The following ANKRD6 variants were observed in gnomAD, a reference collection of about 807,000 sequenced individuals.
The protein encoded by ANKRD6 is ankyrin repeat domain-containing protein 6.
Under a neutral mutation model 82.3 loss-of-function variants are expected in ANKRD6, and 56 were observed. The ratio of observed to expected loss-of-function variants is 0.68; its 90% CI spans 0.55 to 0.85. ANKRD6 has a LOEUF of 0.85. ANKRD6 is among the 40% of genes least tolerant of loss of function. The probability of loss-of-function intolerance (pLI) is 0.00; values close to 1 mark genes in which losing one functional copy is unlikely to be tolerated. For missense variants in ANKRD6, 852 were observed against 907.6 expected (o/e 0.94, Z 0.79); for synonymous variants, 347 against 352.1 (o/e 0.99, Z 0.16).
chr6:89,525,540 G>A (rs1782389170), intron 1 of ANKRD6, among the ~76,000 whole-genome samples: 1 of 152,194 alleles, frequency 6.6e-6, no homozygotes, highest in African/African-American at 2.4e-5. Context: ...CAATACATCA[G>A]TAGGCAAACC....
At chr6:89,437,184 A>G (rs187360157) in intron 1 of ANKRD6, among the ~76,000 whole-genome samples, 16 of 152,320 alleles carry the variant, frequency 1.1e-4, no homozygotes, top group Non-Finnish European at 2.4e-4. Flanking sequence ...GGAAATATTT[A>G]CAGATTCCTA....
chr6:89,554,263 T>C (rs934787255), intron 1 of ANKRD6, among the ~76,000 whole-genome samples: 3 of 152,308 alleles, frequency 2.0e-5, no homozygotes, highest in East Asian at 3.9e-4. Context: ...ACTGTTCCCT[T>C]GTATCCTCCA....
intron 13 of ANKRD6, among the ~76,000 whole-genome samples, chr6:89,624,918 G>A (rs1438306620): frequency 1.3e-5 from 2 of 152,130 alleles, no homozygotes; most frequent in African/African-American, 4.8e-5. Flanking sequence ...CCATTACAGA[G>A]CATTTTTAGA....
intron 1 of ANKRD6, among the ~76,000 whole-genome samples, chr6:89,445,873 C>T (rs191992882): frequency 4.6e-5 from 7 of 152,042 alleles, no homozygotes; most frequent in Admixed American, 2.6e-4. Context: ...CCACTGCGCC[C>T]GGCTGATCAG....
chr6:89,508,844 A>G (rs1170492749), intron 1 of ANKRD6: 2 of 152,214 alleles, frequency 1.3e-5, no homozygotes, highest in Non-Finnish European at 2.9e-5. Flanking sequence ...TCCTGACCCC[A>G]GAATAGGCCC....
At chr6:89,573,456 C>G (rs1331563411) in intron 2 of ANKRD6, among the ~76,000 whole-genome samples, 1 of 152,170 alleles carries the variant, frequency 6.6e-6, no homozygotes, top group Admixed American at 6.5e-5. Flanking sequence ...GGGATATCCC[C>G]TCTGGAGTCA....
chr6:89,613,981 T>C, intron 7 of ANKRD6, 91 bp downstream of exon 7: 1 of 1,329,402 alleles, frequency 7.5e-7, no homozygotes, highest in East Asian at 2.4e-5. Flanking sequence ...CAGAGGCTGC[T>C]GGGAAGCTGC....
chr6:89,518,396 C>A (rs1215591485), intron 1 of ANKRD6, among the ~76,000 whole-genome samples: 1 of 149,040 alleles, frequency 6.7e-6, no homozygotes, highest in African/African-American at 2.5e-5. Context: ...GAGTAAGACT[C>A]CGTCTCAAAA....
chr6:89,599,184 G>A (rs1276603625), intron 3 of ANKRD6, among the ~76,000 whole-genome samples: 5 of 152,092 alleles, frequency 3.3e-5, no homozygotes, highest in African/African-American at 4.8e-5. Context: ...ACCAGCCTGG[G>A]CAACATGGCA....
chr6:89,567,017 T>C lies in ANKRD6; in HGVS notation c.41T>C (p.Leu14Pro), dbSNP rs913490544. 1.2e-6 allele frequency: 2 copies of C among 1,605,554 alleles called. No homozygotes were observed. The highest frequency in any genetic ancestry group is 1.7e-6 in the Non-Finnish European group (2 of 1,175,944). Reference protein sequence around the residue: ...QDAVAALSERLLVAAYKGQTE... With the variant: ...QDAVAALSERPLVAAYKGQTE... ...GCGGTCGCTGCACTTTCAGAGCGCC[T>C]TCTCGTAGCTGCGTACAAAGGCCAA... The change falls in exon 2 of 16, where the codon CTT becomes CCT. Residue 14 changes from leucine to proline, a missense_variant. Physicochemically the swap from Leu to Pro is moderately conservative, Grantham distance 98. Transcript: ENST00000339746.
At chr6:89,474,631 A>C (rs560018742) in intron 1 of ANKRD6, among the ~76,000 whole-genome samples, 3 of 152,172 alleles carry the variant, frequency 2.0e-5, no homozygotes, top group African/African-American at 7.2e-5. Flanking sequence ...GTTAGCCAGG[A>C]TGGTTTCGAT....
chr6:89,557,859 C>T (rs1786837059), intron 1 of ANKRD6, among the ~76,000 whole-genome samples: 1 of 151,776 alleles, frequency 6.6e-6, no homozygotes, highest in Non-Finnish European at 1.5e-5. Flanking sequence ...TCATGTTCTC[C>T]TTATGAAAAT....
intron 1 of ANKRD6, among the ~76,000 whole-genome samples, chr6:89,492,316 G>A (rs1471273236): frequency 6.6e-6 from 1 of 152,212 alleles, no homozygotes; most frequent in East Asian, 1.9e-4. Context: ...TGGTGCCTTT[G>A]TGATGGTTTG....
At chr6:89,607,996 C>G (rs1042660306) in intron 5 of ANKRD6, among the ~76,000 whole-genome samples, 3 of 112,286 alleles carry the variant, frequency 2.7e-5, no homozygotes, top group African/African-American at 1.1e-4. Context: ...TGGTCTTGAA[C>G]TCCTGACCCC....
intron 1 of ANKRD6, among the ~76,000 whole-genome samples, chr6:89,448,574 A>G (rs1314190378): frequency 6.6e-6 from 1 of 152,224 alleles, no homozygotes; most frequent in Non-Finnish European, 1.5e-5. Context: ...TACTGCTTAG[A>G]AAACAAGATT....
At chr6:89,458,504 A>G (rs1053618998) in intron 1 of ANKRD6, among the ~76,000 whole-genome samples, 2 of 152,228 alleles carry the variant, frequency 1.3e-5, no homozygotes, top group African/African-American at 4.8e-5. Flanking sequence ...CCAAATGCCC[A>G]AGAGCCCCTG....
intron 1 of ANKRD6, among the ~76,000 whole-genome samples, chr6:89,559,894 T>G (rs1177130513): frequency 2.0e-5 from 3 of 152,216 alleles, no homozygotes; most frequent in Admixed American, 1.3e-4. Context: ...GGAAAAAGAT[T>G]AGTTGACTAG....
chr6:89,562,445 C>T (rs1227233455), intron 1 of ANKRD6: 1 of 152,256 alleles, frequency 6.6e-6, no homozygotes, highest in Non-Finnish European at 1.5e-5. Context: ...ATCCCTCCCT[C>T]CCTTACAACA....
intron 1 of ANKRD6, among the ~76,000 whole-genome samples, chr6:89,478,639 G>C (rs1277512814): frequency 2.6e-5 from 4 of 151,280 alleles, no homozygotes; most frequent in Non-Finnish European, 4.4e-5. Context: ...AGGAGGCGGG[G>C]AGGGGGCGGG....
Sources: allele counts gnomAD v4.1 joint callset (sites outside exome capture counted in the v4.1 genomes callset), GRCh38; gene constraint gnomAD v4.1.1; transcripts MANE v1.5; gene names NCBI Gene and HGNC (gene_info 2026-07-23, HGNC 2026-07-21).